Variants in FSTL4 observed in about 807,000 individuals in gnomAD.
FSTL4 encodes follistatin like 4, also known as follistatin-related protein 4.
In FSTL4, 28 loss-of-function variants were observed where a neutral mutation model predicts 78.2. The observed-to-expected ratio is 0.36, with a 90% CI of 0.27 to 0.49. The LOEUF (loss-of-function observed/expected upper bound fraction) is 0.49. Ranked by LOEUF, FSTL4 falls within the 20% of genes least tolerant of loss-of-function variation. The pLI, the probability that FSTL4 is intolerant of heterozygous loss-of-function variation, is 0.98. For missense variants in FSTL4, 922 were observed against 1,084.9 expected (o/e 0.85, Z 2.11); for synonymous variants, 422 against 440.5 (o/e 0.96, Z 0.53).
At chr5:133,436,724 C>G (rs1198378473) in intron 3 of FSTL4, among the ~76,000 whole-genome samples, 3 of 151,482 alleles carry the variant, frequency 2.0e-5, no homozygotes, top group African/African-American at 7.3e-5. Context: ...TAAATTAGGA[C>G]TTTTCCCACC....
the FSTL4 span, among the ~76,000 whole-genome samples, chr5:133,766,302 A>G: frequency 0.63 from 96,229 of 151,872 alleles, 30,731 homozygotes; most frequent in Non-Finnish European, 0.67. Context: ...GAAGAAGAGG[A>G]GGAAAGAGGG....
At chr5:133,427,888 T>C (rs535394492) in intron 3 of FSTL4, among the ~76,000 whole-genome samples, 19 of 152,150 alleles carry the variant, frequency 1.2e-4, no homozygotes, top group Non-Finnish European at 2.6e-4. Flanking sequence ...GGACCTTTGC[T>C]GTCTATAGTT....
chr5:133,371,107 G>A (rs1183989117), intron 4 of FSTL4, among the ~76,000 whole-genome samples: 1 of 152,214 alleles, frequency 6.6e-6, no homozygotes, highest in Non-Finnish European at 1.5e-5. Context: ...CCCATGCAGG[G>A]ATGGGGCATG....
intron 4 of FSTL4, among the ~76,000 whole-genome samples, chr5:133,389,914 A>G (rs2126960131): frequency 6.6e-6 from 1 of 152,346 alleles, no homozygotes; most frequent in African/African-American, 2.4e-5. Flanking sequence ...GCAGAAAGAG[A>G]CAGAGATGTA....
At chr5:133,282,539 A>G (rs1002860991) in intron 6 of FSTL4, among the ~76,000 whole-genome samples, 3 of 152,204 alleles carry the variant, frequency 2.0e-5, no homozygotes, top group Non-Finnish European at 4.4e-5. Flanking sequence ...CATTTCTCCC[A>G]TACGATTCTT....
intron 3 of FSTL4, among the ~76,000 whole-genome samples, chr5:133,461,293 T>C (rs1293885194): frequency 1.3e-5 from 2 of 152,216 alleles, no homozygotes; most frequent in Non-Finnish European, 2.9e-5. Flanking sequence ...CATCCTCCCC[T>C]GTCATAACAG....
Position 133,603,946 on chromosome 5 carries a change from A to G in FSTL4, c.38T>C (p.Leu13Pro). 6.2e-7 allele frequency: 1 copy of G among 1,613,560 alleles called. No individual in the cohort carries two copies. The highest frequency in any genetic ancestry group is 1.3e-5 in the African/African-American group (1 of 75,034). ...PGGFWLHLTL[L>P]GASLPAALGW... ...CAGCGCAGCCGGCAGGGAGGCTCCG[A>G]GCAGTGTGAGATGCAGCCAAAAGCC... The change falls in exon 2 of 16, where the codon CTC (leucine) becomes CCC (proline). Residue 13 changes from leucine to proline, a missense_variant. Leu to Pro is a moderately conservative substitution (Grantham distance 98). Coordinates refer to ENST00000265342, the MANE Select transcript of FSTL4 (RefSeq NM_015082.2).
chr5:133,735,986 G>A, the FSTL4 span, among the ~76,000 whole-genome samples: 1 of 152,194 alleles, frequency 6.6e-6, no homozygotes, highest in Non-Finnish European at 1.5e-5. Context: ...AGATGACAGT[G>A]GGTAGAAAGG....
chr5:133,248,631 C>T (rs1465246231), intron 7 of FSTL4: 2 of 152,172 alleles, frequency 1.3e-5, no homozygotes, highest in African/African-American at 4.8e-5. Flanking sequence ...CATTGAGGAT[C>T]GGCAGGTTAA....
At position 133,343,907 on chromosome 5, in the gene FSTL4, T is replaced by C. The variant is rs185036873; in HGVS notation, c.410-27255A>G. On this transcript the variant is annotated intron_variant, in intron 4 of 15. Transcript: ENST00000265342. ...AAAAATCCCAAATCAAATACGATTATTGATCAACGCTGAACTGCTTTAATC... is the reference window on the plus strand; with the variant it reads ...AAAAATCCCAAATCAAATACGATTACTGATCAACGCTGAACTGCTTTAATC... Among the ~76,000 whole-genome samples, 312 of 152,366 alleles carry C rather than the reference T, an allele frequency of 2.0e-3. 1 individual carries two copies. Among genetic ancestry groups the C allele is most frequent in the Non-Finnish European group, 2.4e-3 (161 of 68,036 alleles).
At chr5:133,712,834 CAG>C in the FSTL4 span, among the ~76,000 whole-genome samples, 1 of 151,670 alleles carries the variant, frequency 6.6e-6, no homozygotes, top group African/African-American at 2.4e-5. Flanking sequence ...TCTGGAGGGT[CAG>C]GAGGGAGAGT....
chr5:133,538,891 G>C (rs1759408683), intron 3 of FSTL4, among the ~76,000 whole-genome samples: 1 of 152,186 alleles, frequency 6.6e-6, no homozygotes, highest in Non-Finnish European at 1.5e-5. Context: ...CGGGGGGCTA[G>C]CCAGCTGGGG....
intron 2 of FSTL4, among the ~76,000 whole-genome samples, chr5:133,591,153 C>T (rs1216630214): frequency 1.3e-5 from 2 of 152,146 alleles, no homozygotes; most frequent in Non-Finnish European, 2.9e-5. Context: ...CCTGTGGAGG[C>T]CAAGCCTGTT....
chr5:133,734,156 C>T, the FSTL4 span, among the ~76,000 whole-genome samples: 1 of 152,204 alleles, frequency 6.6e-6, no homozygotes, highest in Non-Finnish European at 1.5e-5. Flanking sequence ...GAGTCTCCAT[C>T]CTCTGAAGGA....
At chr5:133,706,176 A>G in the FSTL4 span, among the ~76,000 whole-genome samples, 2 of 152,214 alleles carry the variant, frequency 1.3e-5, no homozygotes, top group Admixed American at 6.5e-5. Flanking sequence ...TCCAAACCCT[A>G]TCTGTTAATT....
chr5:133,481,776 G>A (rs1408111706), intron 3 of FSTL4, among the ~76,000 whole-genome samples: 1 of 152,108 alleles, frequency 6.6e-6, no homozygotes, highest in African/African-American at 2.4e-5. Context: ...AGAGCAACCC[G>A]GAATTGACCA....
the FSTL4 span, among the ~76,000 whole-genome samples, chr5:133,712,109 C>T: frequency 6.6e-6 from 1 of 152,276 alleles, no homozygotes; most frequent in African/African-American, 2.4e-5. Context: ...GATGAGCTAT[C>T]CTATTCGGAG....
chr5:133,357,722 T>C (rs1011701329), intron 4 of FSTL4, among the ~76,000 whole-genome samples: 3 of 152,244 alleles, frequency 2.0e-5, no homozygotes, highest in Non-Finnish European at 2.9e-5. Context: ...TCTTAAGATT[T>C]ACTCCTTCTG....
chr5:133,249,493 C>G lies in FSTL4; in HGVS notation c.811G>C (p.Ala271Pro). The G allele has an allele frequency of 6.2e-7, 1 of 1,613,470 alleles. No individual in the cohort carries two copies. The highest frequency in any genetic ancestry group is 8.5e-7 in the Non-Finnish European group (1 of 1,179,468). ...TVGLSTVLTC[A>P]VHGDLRPPII... ...GGTGGCCTCAGGTCTCCATGGACGG[C>G]GCAGGTCAGCACTGTGCTCAGCCCC... Residue 271 changes from alanine (A) to proline (P), a missense_variant, in exon 7 of 16, where the codon GCC becomes CCC. Ala to Pro is a conservative substitution (Grantham distance 27). Transcript: ENST00000265342.
Sources: allele counts gnomAD v4.1 joint callset (sites outside exome capture counted in the v4.1 genomes callset), GRCh38; gene constraint gnomAD v4.1.1; transcripts MANE v1.5; gene names NCBI Gene and HGNC (gene_info 2026-07-23, HGNC 2026-07-21).